CSMD1: variants seen among roughly 807,000 people sequenced by gnomAD.
The protein encoded by CSMD1 is CUB and Sushi multiple domains 1.
CSMD1 carries 213 observed loss-of-function variants against 417.5 expected under a neutral mutation model. That is an observed-to-expected ratio of 0.51 (90% confidence interval 0.46 to 0.57). The LOEUF (loss-of-function observed/expected upper bound fraction) is 0.57, where lower values mean the gene tolerates loss of function less well. CSMD1 is among the 20% of genes least tolerant of loss of function. CSMD1 has a pLI of 0.00. For synonymous variants in CSMD1, 2,862 were observed against 1,736.8 expected (o/e 1.65, Z -16.11); for missense variants, 6,923 against 4,529.7 (o/e 1.53, Z -15.17).
chr8:3,804,963 G>C (rs896367320), intron 5 of CSMD1, among the ~76,000 whole-genome samples: 4 of 152,268 alleles, frequency 2.6e-5, no homozygotes, highest in Middle Eastern at 6.8e-3. Flanking sequence ...TCTGTGGCCA[G>C]AGAAGCAATT....
At chr8:4,505,662 G>C (rs1308061646) in intron 2 of CSMD1, among the ~76,000 whole-genome samples, 3 of 152,128 alleles carry the variant, frequency 2.0e-5, no homozygotes, top group Non-Finnish European at 2.9e-5. Flanking sequence ...CAGTGTCCAT[G>C]TTGCTCCAGT....
chr8:3,485,106 T>C (rs1817950685), intron 11 of CSMD1, among the ~76,000 whole-genome samples: 3 of 152,202 alleles, frequency 2.0e-5, no homozygotes, highest in African/African-American at 4.8e-5. Context: ...TAACAACCTA[T>C]ACACAAATGT....
intron 3 of CSMD1, among the ~76,000 whole-genome samples, chr8:4,346,241 C>G (rs1563077860): frequency 6.6e-6 from 1 of 152,076 alleles, no homozygotes; most frequent in Non-Finnish European, 1.5e-5. Flanking sequence ...TTTGAAATGA[C>G]TAAATATACA....
intron 3 of CSMD1, among the ~76,000 whole-genome samples, chr8:4,111,489 A>C (rs1181904895): frequency 6.6e-6 from 1 of 152,230 alleles, no homozygotes; most frequent in Admixed American, 6.5e-5. Context: ...TTGCAGCACT[A>C]TCCACAATAG....
intron 3 of CSMD1, among the ~76,000 whole-genome samples, chr8:4,351,740 T>G (rs886994878): frequency 6.6e-6 from 1 of 152,158 alleles, no homozygotes; most frequent in Non-Finnish European, 1.5e-5. Context: ...CCTTCTAGGT[T>G]GAGCAAGACC....
chr8:3,110,506 C>G (rs987098538), intron 42 of CSMD1, among the ~76,000 whole-genome samples, 171 bp from the exon 43 acceptor site: 1 of 152,184 alleles, frequency 6.6e-6, no homozygotes, highest in Non-Finnish European at 1.5e-5. Flanking sequence ...ATCTGAAGAC[C>G]TTAGAAGAAT....
chr8:4,484,873 T>G (rs1402644581), intron 2 of CSMD1, among the ~76,000 whole-genome samples: 2 of 150,742 alleles, frequency 1.3e-5, no homozygotes, highest in African/African-American at 4.9e-5. Flanking sequence ...CTCGGGAGGC[T>G]GAGGCGGGAG....
At chr8:3,604,239 G>A (rs1026282160) in intron 8 of CSMD1, among the ~76,000 whole-genome samples, 12 of 152,074 alleles carry the variant, frequency 7.9e-5, no homozygotes, top group African/African-American at 1.2e-4. Flanking sequence ...AAGCATAGAC[G>A]TGCATAGAAT....
At chr8:3,826,122 G>T (rs1043766446) in intron 5 of CSMD1, among the ~76,000 whole-genome samples, 2 of 152,118 alleles carry the variant, frequency 1.3e-5, no homozygotes, top group Admixed American at 1.3e-4. Context: ...CCGGCCGTCA[G>T]CAGGGAACTC....
intron 7 of CSMD1, among the ~76,000 whole-genome samples, chr8:3,664,020 C>A (rs532937351): frequency 6.6e-6 from 1 of 152,286 alleles, no homozygotes; most frequent in African/African-American, 2.4e-5. Flanking sequence ...AGTTAAAGTT[C>A]TTAATCTTAA....
chr8:4,124,629 T>A (rs1585367207), intron 3 of CSMD1, among the ~76,000 whole-genome samples: 2 of 152,140 alleles, frequency 1.3e-5, no homozygotes, highest in East Asian at 3.9e-4. Context: ...CAGACCTCAC[T>A]GGCAAGGCCC....
chr8:3,078,840 T>G (rs1813880947), intron 49 of CSMD1, among the ~76,000 whole-genome samples: 1 of 152,170 alleles, frequency 6.6e-6, no homozygotes, highest in African/African-American at 2.4e-5. Context: ...CCAATAGGTT[T>G]GCACCAAAAA....
chr8:3,691,142 G>A (rs778557528), intron 7 of CSMD1, among the ~76,000 whole-genome samples: 3 of 152,078 alleles, frequency 2.0e-5, no homozygotes, highest in African/African-American at 7.2e-5. Context: ...CGGGGCAGGC[G>A]GATCACCTGA....
intron 26 of CSMD1, among the ~76,000 whole-genome samples, chr8:3,264,957 A>T (rs544062940): frequency 3.3e-5 from 5 of 152,174 alleles, no homozygotes; most frequent in Non-Finnish European, 7.3e-5. Flanking sequence ...ATAACGATGA[A>T]TGCTGCTAAG....
intron 6 of CSMD1, among the ~76,000 whole-genome samples, chr8:3,724,949 T>C (rs1375924647): frequency 1.3e-5 from 2 of 152,234 alleles, no homozygotes; most frequent in Non-Finnish European, 2.9e-5. Flanking sequence ...TTTTAAAATA[T>C]GTTGATGACT....
At chr8:3,129,935 C>T (rs533207373) in intron 41 of CSMD1, among the ~76,000 whole-genome samples, 5 of 151,952 alleles carry the variant, frequency 3.3e-5, no homozygotes, top group Non-Finnish European at 5.9e-5. Context: ...GAGCCGAGAT[C>T]GCGCCACTGC....
At chr8:3,092,142 G>A (rs539673806) in intron 47 of CSMD1, among the ~76,000 whole-genome samples, 29 of 152,146 alleles carry the variant, frequency 1.9e-4, no homozygotes, top group African/African-American at 6.3e-4. Context: ...TAGTGAACAT[G>A]TGTATTCTAA....
At chr8:4,123,470 A>G (rs1802597746) in intron 3 of CSMD1, among the ~76,000 whole-genome samples, 1 of 152,214 alleles carries the variant, frequency 6.6e-6, no homozygotes, top group Non-Finnish European at 1.5e-5. Flanking sequence ...TATTGTGGGT[A>G]AATCAGTGCA....
At position 3,411,747 on chromosome 8, in the gene CSMD1, CACGTGTATAT is replaced by C. The variant is rs1156636026; in HGVS notation, c.1562-2152_1562-2143del. Among the ~76,000 whole-genome samples the C allele has an allele frequency of 3.1e-5, 4 of 127,416 alleles. 1 individual carries two copies. The highest frequency in any genetic ancestry group is 6.2e-4 in the East Asian group (2 of 3,238). 83.6% of individuals were successfully genotyped at this position (127,416 alleles called of 152,430 possible). ...GTACATATATACACGTGTATATATA[CACGTGTATAT>C]ACGTGTATATACGTGTGTATATACC... On this transcript the variant is annotated intron_variant, in intron 12 of 69. Coordinates refer to ENST00000635120, the MANE Select transcript of CSMD1 (RefSeq NM_033225.6).
Sources: allele counts gnomAD v4.1 joint callset (sites outside exome capture counted in the v4.1 genomes callset), GRCh38; gene constraint gnomAD v4.1.1; transcripts MANE v1.5; gene names NCBI Gene and HGNC (gene_info 2026-07-23, HGNC 2026-07-21).